The following DOC2B variants were observed in gnomAD, a reference collection of about 807,000 sequenced individuals.
DOC2B encodes the protein double C2-like domain-containing protein beta.
DOC2B carries 21 observed loss-of-function variants against 28.9 expected under a neutral mutation model. The ratio of observed to expected loss-of-function variants is 0.73; its 90% CI spans 0.52 to 1.05. The LOEUF is 1.05. DOC2B is among the 50% of genes least tolerant of loss of function. The pLI, the probability that DOC2B is intolerant of heterozygous loss-of-function variation, is 0.00. For missense variants in DOC2B, 384 were observed against 421.1 expected, an observed-to-expected ratio of 0.91 and a Z score of 0.77; for synonymous variants, 194 against 178.1, an observed-to-expected ratio of 1.09 and a Z score of -0.71.
chr17:160,723 G>T (rs2040191542), intron 5 of DOC2B, among the ~76,000 whole-genome samples: 1 of 152,192 alleles, frequency 6.6e-6, no homozygotes, highest in Non-Finnish European at 1.5e-5. Context: ...CCATAGACAA[G>T]GGAGGATGGG....
intron 6 of DOC2B, among the ~76,000 whole-genome samples, chr17:150,045 T>C (rs1464989197): frequency 1.3e-5 from 2 of 152,156 alleles, no homozygotes; most frequent in Non-Finnish European, 2.9e-5. Context: ...GCAGAACAGC[T>C]GTCTTCCTCT....
chr17:150,263 C>T (rs145615430), intron 6 of DOC2B, among the ~76,000 whole-genome samples: 84 of 152,326 alleles, frequency 5.5e-4, no homozygotes, highest in Non-Finnish European at 1.1e-3. Context: ...CTTGTCCCTG[C>T]TGAATGTGCT....
intron 1 of DOC2B, among the ~76,000 whole-genome samples, chr17:175,245 A>G (rs937741633): frequency 1.3e-5 from 2 of 152,206 alleles, no homozygotes; most frequent in Admixed American, 6.5e-5. Context: ...CAAAAAAATA[A>G]ATAAATACTA....
chr17:160,124 A>C (rs2040183927), intron 5 of DOC2B, among the ~76,000 whole-genome samples: 1 of 151,844 alleles, frequency 6.6e-6, no homozygotes, highest in Non-Finnish European at 1.5e-5. Context: ...AGCTGGGATT[A>C]CAGGCATGCA....
intron 6 of DOC2B, among the ~76,000 whole-genome samples, chr17:151,588 C>T (rs1046732604): frequency 3.3e-5 from 5 of 152,154 alleles, no homozygotes; most frequent in Admixed American, 2.6e-4. Context: ...CCCCTAAGCC[C>T]GCCACCCGGA....
At chr17:169,585 A>G (rs1175063616) in intron 2 of DOC2B, among the ~76,000 whole-genome samples, 1 of 152,112 alleles carries the variant, frequency 6.6e-6, no homozygotes, top group Non-Finnish European at 1.5e-5. Flanking sequence ...CAGAACTGGT[A>G]GTGCCAGGGG....
intron 1 of DOC2B, among the ~76,000 whole-genome samples, chr17:176,519 C>T (rs2151476720): frequency 6.6e-6 from 1 of 152,274 alleles, no homozygotes; most frequent in South Asian, 2.1e-4. Context: ...GCCACTCTGC[C>T]CTGGTCCAAA....
At chr17:155,165 AT>A (rs1181686963) in intron 6 of DOC2B, among the ~76,000 whole-genome samples, 1 of 151,998 alleles carries the variant, frequency 6.6e-6, no homozygotes, top group African/African-American at 2.4e-5. Flanking sequence ...CTAATTTTTA[AT>A]TTTTTTATAG....
At chr17:175,293 G>A (rs1687067472) in intron 1 of DOC2B, among the ~76,000 whole-genome samples, 1 of 152,198 alleles carries the variant, frequency 6.6e-6, no homozygotes, top group South Asian at 2.1e-4. Flanking sequence ...CTCCTGAGCA[G>A]GGTATGTGTG....
chr17:156,610 T>A (rs2040139116), intron 5 of DOC2B, among the ~76,000 whole-genome samples: 1 of 152,178 alleles, frequency 6.6e-6, no homozygotes. Context: ...GCATGTGGCC[T>A]ACGGTGGCCT....
rs2040028677 is a variant in DOC2B, at chr17:147,497, T to C, written c.1183A>G (p.Ile395Val). ...FDCLKNKDKR[I>V]ERWHTLTSEL... ...CTGGTGAGCGTGTGCCAGCGCTCGA[T>C]GCGCTTGTCCTTGTTCTTCAGGCAG... Residue 395 changes from isoleucine to valine, a missense_variant, in exon 9 of 9, where the codon ATC becomes GTC. Transcript: ENST00000613549. The C allele has an allele frequency of 2.5e-6, 1 of 398,720 alleles. No homozygotes were observed. The highest frequency in any genetic ancestry group is 4.4e-6 in the Non-Finnish European group (1 of 226,214). 24.7% of individuals were successfully genotyped at this position (398,720 alleles called of 1,614,324 possible).
At chr17:150,181 G>A (rs1299453615) in intron 6 of DOC2B, among the ~76,000 whole-genome samples, 1 of 152,158 alleles carries the variant, frequency 6.6e-6, no homozygotes, top group African/African-American at 2.4e-5. Flanking sequence ...CTGGAGAAGG[G>A]GACAAGAGGT....
intron 6 of DOC2B, among the ~76,000 whole-genome samples, chr17:153,106 C>T (rs773628104): frequency 1.1e-4 from 17 of 151,574 alleles, no homozygotes; most frequent in South Asian, 2.1e-4. Context: ...TCGGGTGAGG[C>T]GTGGCTCAGA....
intron 5 of DOC2B, among the ~76,000 whole-genome samples, chr17:159,436 C>G (rs2040173923): frequency 6.6e-6 from 1 of 152,174 alleles, no homozygotes; most frequent in Non-Finnish European, 1.5e-5. Flanking sequence ...GACACCTGGA[C>G]AATATGGTGA....
At chr17:150,907 AAAG>A (rs1322834609) in intron 6 of DOC2B, among the ~76,000 whole-genome samples, 2 of 152,230 alleles carry the variant, frequency 1.3e-5, no homozygotes, top group Non-Finnish European at 2.9e-5. Flanking sequence ...CCTCCGTGTG[AAAG>A]AAGCCGGACT....
rs1311184106 is a variant in DOC2B, at chr17:146,815, G to C, written c.*626C>G. On this transcript the variant is annotated 3_prime_UTR_variant, in exon 9 of 9. Coordinates refer to ENST00000613549, the MANE Select transcript of DOC2B (RefSeq NM_003585.5). Reference sequence around the variant, plus strand: ...TGGTTTGTTCCCAGCTTCCTGACTAGATGGGAACTCCCTGAGGGCAGGCCC... The same window carrying C: ...TGGTTTGTTCCCAGCTTCCTGACTACATGGGAACTCCCTGAGGGCAGGCCC... The C allele has an allele frequency of 6.6e-6, 1 of 152,278 alleles. No individual in the cohort carries two copies. Among genetic ancestry groups the C allele is most frequent in the East Asian group, 1.9e-4 (1 of 5,194 alleles). The allele number at this position is 152,278 out of a possible 1,614,324, so 9.4% of individuals were successfully genotyped here.
Position 164,187 on chromosome 17 carries a change from G to A in DOC2B, c.471C>T (p.Asp157=). 5 of 1,553,664 alleles carry A rather than the reference G, an allele frequency of 3.2e-6. No homozygotes were observed. Among genetic ancestry groups the A allele is most frequent in the Non-Finnish European group, 4.4e-6 (5 of 1,147,894 alleles). The change falls in exon 3 of 9, where the codon GAC becomes GAT. Residue 157 remains aspartate (D), a synonymous_variant. Coordinates refer to ENST00000613549, the MANE Select transcript of DOC2B (RefSeq NM_003585.5). ...CGTAGGGGTCTGCCAGCCCATTGTG[G>A]TCCATTGGCTTCAGGCCCTGGGCAG... ...ITKAKGLKPM[D]HNGLADPYVK...
rs772251859 is a variant in DOC2B, at chr17:156,261, G to A, written c.882C>T (p.Ala294=). ...LVGIVRCAHL[A]AMDANGYSDP... ...CCGAGTAGCCGTTGGCGTCCATGGC[G>A]GCCAGGTGGGCGCACCGCACGATGC... Residue 294 remains alanine, a synonymous_variant, in exon 6 of 9, where the codon GCC becomes GCT. Coordinates refer to ENST00000613549, the MANE Select transcript of DOC2B (RefSeq NM_003585.5). 6.1e-5 allele frequency: 95 copies of A among 1,551,578 alleles called. No homozygotes were observed. Among genetic ancestry groups the A allele is most frequent in the Middle Eastern group, 5.0e-4 (3 of 5,990 alleles).
At chr17:148,333 G>A (rs939347844) in intron 7 of DOC2B, 64 bp from the exon 8 acceptor site, 1 of 398,546 alleles carries the variant, frequency 2.5e-6, no homozygotes, top group Non-Finnish European at 4.4e-6. Flanking sequence ...GGGGCCAGGA[G>A]GGGTATGAGG....
Sources: allele counts gnomAD v4.1 joint callset (sites outside exome capture counted in the v4.1 genomes callset), GRCh38; gene constraint gnomAD v4.1.1; transcripts MANE v1.5; gene names NCBI Gene and HGNC (gene_info 2026-07-23, HGNC 2026-07-21).